Variants in ZNF600 observed in about 807,000 individuals in gnomAD.
ZNF600 encodes the protein zinc finger protein KR-ZNF1.
In ZNF600, 4 loss-of-function variants were observed where a neutral mutation model predicts 7.3. That is an observed-to-expected ratio of 0.55 (90% CI 0.27 to 1.25). The LOEUF (loss-of-function observed/expected upper bound fraction) is 1.25. Ranked by LOEUF, ZNF600 falls within the 50% of genes most tolerant of loss-of-function variation. The pLI, the probability that ZNF600 is intolerant of heterozygous loss-of-function variation, is 0.12. For synonymous variants in ZNF600, 290 were observed against 308.9 expected (o/e 0.94, Z 0.64); for missense variants, 911 against 922.1 (o/e 0.99, Z 0.16).
chr19:52,801,835 AAAAGG>A, the ZNF600 span: 1 of 836,680 alleles, frequency 1.2e-6, no homozygotes, highest in Non-Finnish European at 1.8e-6. Context: ...TTAAGAACAC[AAAAGG>A]AGTAAGATTC....
chr19:52,819,740 T>C, the ZNF600 span, among the ~76,000 whole-genome samples: 1 of 143,628 alleles, frequency 7.0e-6, no homozygotes, highest in African/African-American at 2.8e-5. Context: ...GAGAAGCATC[T>C]TTCACATGCC....
the ZNF600 span, chr19:52,800,367 T>C: frequency 1.2e-6 from 2 of 1,614,152 alleles, no homozygotes; most frequent in Non-Finnish European, 1.7e-6. Flanking sequence ...TTTGTATGGT[T>C]TCTCTCCAGT....
exon 4 of ZNF600, chr19:52,767,002 C>T: frequency 6.2e-7 from 1 of 1,614,136 alleles, no homozygotes; most frequent in Non-Finnish European, 8.5e-7. Context: ...AAGATCTTGC[C>T]ACACTCATTA....
chr19:52,788,532 C>T (rs2062783367), upstream of ZNF600, among the ~76,000 whole-genome samples: 1 of 152,170 alleles, frequency 6.6e-6, no homozygotes, highest in African/African-American at 2.4e-5. Context: ...TTCTCTGCTG[C>T]CCACTGCACC....
the ZNF600 span, among the ~76,000 whole-genome samples, chr19:52,815,150 T>C: frequency 6.9e-6 from 1 of 144,512 alleles, no homozygotes; most frequent in African/African-American, 2.7e-5. Flanking sequence ...GCAAGATTTG[T>C]TTAACCGAAG....
chr19:52,783,920 C>T (rs1774400624), intron 1 of ZNF600, among the ~76,000 whole-genome samples: 1 of 151,974 alleles, frequency 6.6e-6, no homozygotes, highest in Non-Finnish European at 1.5e-5. Flanking sequence ...CCTCCTAATC[C>T]AAAATTAGCA....
At chr19:52,800,319 C>G in the ZNF600 span, 1 of 1,604,492 alleles carries the variant, frequency 6.2e-7, no homozygotes, top group Non-Finnish European at 8.5e-7. Context: ...TTCTGTAAGG[C>G]ATGAATCACT....
At chr19:52,798,984 C>A in the ZNF600 span, 1 of 1,079,034 alleles carries the variant, frequency 9.3e-7, no homozygotes, top group Non-Finnish European at 1.3e-6. Context: ...AGGTGTGAAT[C>A]ACTCCCAAAA....
the ZNF600 span, among the ~76,000 whole-genome samples, chr19:52,793,768 A>T: frequency 3.0e-4 from 1 of 3,338 alleles, no homozygotes; most frequent in African/African-American, 2.4e-3. Flanking sequence ...ACTCTGCCAC[A>T]CACACACACA....
the ZNF600 span, chr19:52,799,937 C>A: frequency 1.2e-6 from 2 of 1,613,860 alleles, no homozygotes; most frequent in South Asian, 1.1e-5. Context: ...ACTCATTACA[C>A]TTGTAAGGTT....
At chr19:52,796,937 A>G in the ZNF600 span, among the ~76,000 whole-genome samples, 1 of 152,228 alleles carries the variant, frequency 6.6e-6, no homozygotes, top group Admixed American at 6.5e-5. Flanking sequence ...AAAATGTGAC[A>G]TCATGCACAA....
chr19:52,820,206 T>A, the ZNF600 span, among the ~76,000 whole-genome samples: 17 of 114,094 alleles, frequency 1.5e-4, 1 homozygote, highest in Non-Finnish European at 2.1e-4. Flanking sequence ...CAAGCTCTGC[T>A]TCCCGGGTTC....
At chr19:52,796,072 G>A in the ZNF600 span, among the ~76,000 whole-genome samples, 9 of 152,170 alleles carry the variant, frequency 5.9e-5, no homozygotes, top group Non-Finnish European at 1.2e-4. Flanking sequence ...TGACTTTGGA[G>A]GCTGAAATGG....
the ZNF600 span, chr19:52,808,242 C>A: frequency 6.5e-7 from 1 of 1,530,302 alleles, no homozygotes; most frequent in African/African-American, 1.4e-5. Flanking sequence ...AATGTTCTCA[C>A]AAATCCGAGT....
intron 2 of ZNF600, among the ~76,000 whole-genome samples, 153 bp downstream of exon 4, chr19:52,778,673 G>A (rs145975157): frequency 5.3e-5 from 8 of 152,254 alleles, no homozygotes; most frequent in Non-Finnish European, 8.8e-5. Context: ...ATGGAATCTC[G>A]GAGCAGCTGA....
upstream of ZNF600, among the ~76,000 whole-genome samples, chr19:52,789,891 G>A (rs1216431246): frequency 1.3e-5 from 2 of 152,108 alleles, no homozygotes; most frequent in Non-Finnish European, 2.9e-5. Flanking sequence ...GGAGATAGGG[G>A]TGGGGCCGTT....
At chr19:52,766,978 C>T in exon 4 of ZNF600, 1 of 1,613,622 alleles carries the variant, frequency 6.2e-7, no homozygotes, top group Non-Finnish European at 8.5e-7. Context: ...ATTACAAGGG[C>T]TGAATTTTGA....
At chr19:52,829,794 G>A in the ZNF600 span, among the ~76,000 whole-genome samples, 1 of 152,030 alleles carries the variant, frequency 6.6e-6, no homozygotes, top group Admixed American at 6.6e-5. Context: ...TTAGAGGTGT[G>A]AGCCACCATG....
exon 4 of ZNF600, chr19:52,766,263 T>A: frequency 6.2e-7 from 1 of 1,614,174 alleles, no homozygotes. Context: ...ATTACACTTG[T>A]AAGGTTTCTC....
Sources: gnomAD v4.1 joint callset for allele counts (sites outside exome capture counted in the v4.1 genomes callset) on GRCh38, gnomAD v4.1.1 for gene constraint, MANE v1.5 for transcripts, NCBI Gene and HGNC (gene_info 2026-07-23, HGNC 2026-07-21) for gene names.